Variants in MRPS6 observed in about 807,000 individuals in gnomAD.
The protein encoded by MRPS6 is mitochondrial ribosomal protein S6, also known as small ribosomal subunit protein bS6m.
MRPS6 carries 6 observed loss-of-function variants against 13.1 expected under a neutral mutation model. The observed-to-expected ratio is 0.46, with a 90% CI of 0.25 to 0.91. MRPS6 has a LOEUF of 0.91. MRPS6 is among the 40% of genes least tolerant of loss of function. The probability of loss-of-function intolerance (pLI) is 0.18; values close to 1 mark genes in which losing one functional copy is unlikely to be tolerated. For synonymous variants in MRPS6, 61 were observed against 56.5 expected (o/e 1.08, Z -0.36); for missense variants, 164 against 155.6 (o/e 1.05, Z -0.29).
chr21:34,100,072 CAT>C lies in MRPS6; in HGVS notation c.46-25268_46-25267del, dbSNP rs974987206. 5.6e-5 allele frequency: 56 copies of C among 996,652 alleles called. 1 individual carries two copies. The highest frequency in any genetic ancestry group is 2.4e-4 in the South Asian group (5 of 21,222). 61.7% of individuals were successfully genotyped at this position (996,652 alleles called of 1,614,324 possible). ...GATGACATTGGTCTTTAGACATTAA[CAT>C]GTGTATATTTTTATATTAGCTCAAG... On this transcript the variant is annotated intron_variant, in intron 1 of 2. Transcript: ENST00000399312.
chr21:34,095,238 G>A lies in MRPS6; in HGVS notation c.45+21493G>A, dbSNP rs142553674. Reference sequence around the variant, plus strand: ...GGACACAGCAGACATTGCCATAGTGGCCCTGTATTTTATCCTGGTCATGTG... The same window carrying A: ...GGACACAGCAGACATTGCCATAGTGACCCTGTATTTTATCCTGGTCATGTG... On this transcript the variant is annotated intron_variant, in intron 1 of 2. Coordinates refer to ENST00000399312, the MANE Select transcript of MRPS6 (RefSeq NM_032476.4). The A allele has an allele frequency of 7.4e-6, 12 of 1,613,680 alleles. No individual in the cohort carries two copies. The African/African-American group carries it at 1.2e-4, about 16-fold the overall frequency.
chr21:34,091,278 T>C (rs1048217612), intron 1 of MRPS6, among the ~76,000 whole-genome samples: 5 of 152,142 alleles, frequency 3.3e-5, no homozygotes, highest in African/African-American at 1.2e-4. Flanking sequence ...CCCTGTGTCA[T>C]TGAACTTATG....
At chr21:34,097,539 A>G (rs974206150) in intron 1 of MRPS6, 2 of 1,382,714 alleles carry the variant, frequency 1.4e-6, no homozygotes, top group South Asian at 3.7e-5. Context: ...GTAAATCTTC[A>G]ACTTAAGTGA....
intron 1 of MRPS6, chr21:34,101,051 TAGAG>T (rs1330225902): frequency 1.0e-6 from 1 of 1,000,018 alleles, no homozygotes; most frequent in Non-Finnish European, 1.2e-6. Context: ...TAGGTTTGGA[TAGAG>T]AGATGTATAC....
intron 1 of MRPS6, among the ~76,000 whole-genome samples, chr21:34,117,125 A>G (rs1480123213): frequency 2.6e-5 from 4 of 152,222 alleles, no homozygotes; most frequent in Non-Finnish European, 5.9e-5. Flanking sequence ...TTACATTTTT[A>G]CCAATAGTGT....
At chr21:34,081,979 G>T (rs868053037) in intron 1 of MRPS6, among the ~76,000 whole-genome samples, 1 of 151,848 alleles carries the variant, frequency 6.6e-6, no homozygotes, top group African/African-American at 2.4e-5. Context: ...CATGAGGGGT[G>T]TGGGCCTGGT....
chr21:34,104,681 A>G, intron 1 of MRPS6: 2 of 1,000,272 alleles, frequency 2.0e-6, no homozygotes, highest in Non-Finnish European at 2.4e-6. Flanking sequence ...TGAGAATATC[A>G]AACCTCAGGC....
intron 1 of MRPS6, among the ~76,000 whole-genome samples, chr21:34,110,436 T>G (rs1979651819): frequency 6.6e-6 from 1 of 151,974 alleles, no homozygotes; most frequent in African/African-American, 2.4e-5. Context: ...GCTACTATTG[T>G]GCCACTGTAC....
rs537311980 is a variant in MRPS6 at position 34,100,527 on chromosome 21, T to C, written c.46-24814T>C. The C allele has an allele frequency of 7.0e-6, 7 of 1,000,292 alleles. No homozygotes were observed. In the South Asian group the frequency reaches 2.8e-4, roughly 40 times the overall value. The allele number at this position is 1,000,292 out of a possible 1,614,324, so 62.0% of individuals were successfully genotyped here. On this transcript the variant is annotated intron_variant, in intron 1 of 2. Coordinates refer to ENST00000399312, the MANE Select transcript of MRPS6 (RefSeq NM_032476.4). The stretch of plus-strand genomic sequence containing the variant: ...AGATCTCATCTCCTAGGGCTTCCTT[T>C]TCACTTGGCTCAAAGGATCCATTGT...
chr21:34,096,997 C>A lies in MRPS6; in HGVS notation c.45+23252C>A. The stretch of plus-strand genomic sequence containing the variant: ...GAAGACAGCATTAAGGGCCTTCAGC[C>A]TGAAGATGTTAATCTGTTGGTAACC... On this transcript the variant is annotated intron_variant, in intron 1 of 2. Transcript: ENST00000399312. This position sits in a 1 kb window ranked among gnomAD's most constrained non-coding sequence, Gnocchi z 5.9. 1 of 1,614,044 alleles carries A rather than the reference C, an allele frequency of 6.2e-7. No individual in the cohort carries two copies. Among genetic ancestry groups the A allele is most frequent in the Non-Finnish European group, 8.5e-7 (1 of 1,179,958 alleles).
At chr21:34,115,688 A>T (rs1030328401) in intron 1 of MRPS6, among the ~76,000 whole-genome samples, 2 of 152,154 alleles carry the variant, frequency 1.3e-5, no homozygotes, top group African/African-American at 4.8e-5. Context: ...TTTACAAATT[A>T]TGGTATCTGT....
rs1416771406 is a variant in MRPS6, at chr21:34,073,614, T to G, written c.-87T>G. ...CTGGGAGCCGTCCGGCGCAGCAGTTTCTAGGTCCCCACTGTCCCCGCCGTC... is the reference window on the plus strand; with the variant it reads ...CTGGGAGCCGTCCGGCGCAGCAGTTGCTAGGTCCCCACTGTCCCCGCCGTC... On this transcript the variant is annotated 5_prime_UTR_variant, in exon 1 of 3. Transcript: ENST00000399312. 8.2e-7 allele frequency: 1 copy of G among 1,217,020 alleles called. No homozygotes were observed. Among genetic ancestry groups the G allele is most frequent in the African/African-American group, 1.6e-5 (1 of 62,372 alleles). The allele number at this position is 1,217,020 out of a possible 1,614,324, so 75.4% of individuals were successfully genotyped here.
At chr21:34,075,319 G>A (rs1163965368) in intron 1 of MRPS6, among the ~76,000 whole-genome samples, 1 of 152,188 alleles carries the variant, frequency 6.6e-6, no homozygotes, top group Admixed American at 6.5e-5. Flanking sequence ...CCTTTGAAAT[G>A]AAGACTTGCC....
At chr21:34,131,621 A>G (rs1402163574) in intron 2 of MRPS6, among the ~76,000 whole-genome samples, 3 of 152,168 alleles carry the variant, frequency 2.0e-5, no homozygotes, top group Non-Finnish European at 4.4e-5. Flanking sequence ...CCTCGCAGGC[A>G]TCAAAAGCCA....
At chr21:34,111,956 A>C (rs989619086) in intron 1 of MRPS6, among the ~76,000 whole-genome samples, 4 of 151,598 alleles carry the variant, frequency 2.6e-5, no homozygotes, top group African/African-American at 9.7e-5. Context: ...ATGCACTGTT[A>C]AGTGTTTCTG....
chr21:34,102,267 G>A, intron 1 of MRPS6: 1 of 999,788 alleles, frequency 1.0e-6, no homozygotes, highest in Non-Finnish European at 1.2e-6. Context: ...TATTCACTTA[G>A]TAGTCATATA....
chr21:34,135,430 A>C (rs1980660268), intron 2 of MRPS6: 1 of 455,242 alleles, frequency 2.2e-6, no homozygotes, highest in African/African-American at 2.1e-5. Context: ...CAGCTGGGAA[A>C]ATCAGCGGTT....
chr21:34,075,668 T>G (rs985655418), intron 1 of MRPS6, among the ~76,000 whole-genome samples: 1 of 152,194 alleles, frequency 6.6e-6, no homozygotes, highest in Admixed American at 6.5e-5. Context: ...GGCGAAGTTA[T>G]GTTGAGGAGA....
intron 1 of MRPS6, among the ~76,000 whole-genome samples, chr21:34,086,868 G>A (rs1978415164): frequency 6.6e-6 from 1 of 152,088 alleles, no homozygotes; most frequent in Non-Finnish European, 1.5e-5. Flanking sequence ...AGGGTGCTTG[G>A]GTTTCTGTTG....
Sources: allele counts gnomAD v4.1 joint callset (sites outside exome capture counted in the v4.1 genomes callset), GRCh38; gene constraint gnomAD v4.1.1; non-coding constraint Gnocchi (gnomAD v3.1); transcripts MANE v1.5; gene names NCBI Gene and HGNC (gene_info 2026-07-23, HGNC 2026-07-21).